The following WASF2 variants were observed in gnomAD, a reference collection of about 807,000 sequenced individuals.
WASF2 encodes the protein actin-binding protein WASF2.
WASF2 carries 14 observed loss-of-function variants against 45.0 expected under a neutral mutation model. That is an observed-to-expected ratio of 0.31 (90% CI 0.21 to 0.49). WASF2 has a LOEUF of 0.49. Among genes scored for constraint, WASF2 ranks in the 20% least tolerant of loss-of-function variants. The pLI, the probability that WASF2 is intolerant of heterozygous loss-of-function variation, is 0.99. For synonymous variants in WASF2, 200 were observed against 236.3 expected (o/e 0.85, Z 1.41); for missense variants, 439 against 636.1 (o/e 0.69, Z 3.33).
intron 3 of WASF2, 24 bp from the exon 4 acceptor site, chr1:27,418,446 G>C (rs1435232705): frequency 6.2e-7 from 1 of 1,614,046 alleles, no homozygotes; most frequent in Non-Finnish European, 8.5e-7. Flanking sequence ...GAAGGCGTTA[G>C]AAAATGGACG....
chr1:27,449,996 T>C (rs958074804), intron 1 of WASF2, among the ~76,000 whole-genome samples: 2 of 152,008 alleles, frequency 1.3e-5, no homozygotes, highest in Non-Finnish European at 2.9e-5. Flanking sequence ...ATACAAAAAT[T>C]AGCTGGGTGT....
At chr1:27,434,619 T>C (rs2017107213) in intron 1 of WASF2, among the ~76,000 whole-genome samples, 1 of 152,156 alleles carries the variant, frequency 6.6e-6, no homozygotes. Context: ...CTGAGGTTAT[T>C]TATACCCAAG....
chr1:27,485,122 G>A (rs2017905945), intron 1 of WASF2, among the ~76,000 whole-genome samples: 1 of 151,912 alleles, frequency 6.6e-6, no homozygotes, highest in African/African-American at 2.4e-5. Context: ...TGTACTCCAG[G>A]CTGGGCAATA....
rs1175801201 is a variant in WASF2 at position 27,406,448 on chromosome 1, A to G, written c.*1741T>C. The G allele has an allele frequency of 6.5e-6, 1 of 152,878 alleles. No homozygotes were observed. The highest frequency in any genetic ancestry group is 1.5e-5 in the Non-Finnish European group (1 of 68,270). The allele number at this position is 152,878 out of a possible 1,614,324, so 9.5% of individuals were successfully genotyped here. A position where few individuals can be genotyped will look rare whatever the true frequency, so the allele number is the denominator to read the frequency against. ...CAAGGGCACAGAGGCAGAACCCATG[A>G]CTATACACTCTCTCCTCAAGCCGGA... On this transcript the variant is annotated 3_prime_UTR_variant, in exon 9 of 9. Coordinates refer to ENST00000618852, the MANE Select transcript of WASF2 (RefSeq NM_006990.5).
In WASF2 at chr1:27,406,800, G is replaced by A. The variant is rs1373057351; in HGVS notation, c.*1389C>T. On this transcript the variant is annotated 3_prime_UTR_variant, in exon 9 of 9. Transcript: ENST00000618852. ...CCCTCTGCCTTTCAGCCTGCTTCAT[G>A]GCTGCCAGGCACCCCCCACCCCCAG... is the stretch of plus-strand genomic sequence containing the variant. 6.6e-6 allele frequency: 1 copy of A among 152,222 alleles called. No homozygotes were observed. Among genetic ancestry groups the A allele is most frequent in the African/African-American group, 2.4e-5 (1 of 41,432 alleles). 9.4% of individuals were successfully genotyped at this position (152,222 alleles called of 1,614,324 possible).
At chr1:27,467,385 C>T (rs2148135144) in intron 1 of WASF2, among the ~76,000 whole-genome samples, 1 of 149,396 alleles carries the variant, frequency 6.7e-6, no homozygotes, top group African/African-American at 2.4e-5. Flanking sequence ...ACTGCAAGCT[C>T]CGCCTCCCGG....
chr1:27,468,283 C>T (rs917803059), intron 1 of WASF2, among the ~76,000 whole-genome samples: 1 of 151,818 alleles, frequency 6.6e-6, no homozygotes, highest in Non-Finnish European at 1.5e-5. Context: ...AAGTCCAGAA[C>T]GGGAGAATTA....
intron 6 of WASF2, among the ~76,000 whole-genome samples, chr1:27,413,069 A>G (rs774321445): frequency 6.6e-6 from 1 of 152,156 alleles, no homozygotes. Flanking sequence ...CTGAATCCCA[A>G]AGTCTGTCCT....
chr1:27,480,373 C>T (rs1453243051), intron 1 of WASF2, among the ~76,000 whole-genome samples: 1 of 151,672 alleles, frequency 6.6e-6, no homozygotes, highest in East Asian at 1.9e-4. Context: ...AAAAATTAGC[C>T]GAGTATGGTG....
chr1:27,477,824 G>C (rs1228460838), intron 1 of WASF2, among the ~76,000 whole-genome samples: 1 of 112,830 alleles, frequency 8.9e-6, no homozygotes, highest in Non-Finnish European at 1.7e-5. Context: ...GCGTGAACCC[G>C]GGAGGCGGAG....
At chr1:27,419,839 C>A (rs1242430742) in intron 2 of WASF2, among the ~76,000 whole-genome samples, 1 of 152,072 alleles carries the variant, frequency 6.6e-6, no homozygotes, top group African/African-American at 2.4e-5. Flanking sequence ...TATCAACAAG[C>A]CATAGCAGAG....
At position 27,404,548 on chromosome 1, in the gene WASF2, T is replaced by A. The variant is rs955179227; in HGVS notation, c.*3641A>T. On this transcript the variant is annotated 3_prime_UTR_variant, in exon 9 of 9. Transcript: ENST00000618852. ...GAAGAGTGCCTGTTTTCAAACGGCA[T>A]CCCTACTACACATATACCCCCCTTC... 12 of 152,246 alleles carry A rather than the reference T, an allele frequency of 7.9e-5. No individual in the cohort carries two copies. In the South Asian group the frequency reaches 1.0e-3, roughly 13 times the overall value. The allele number at this position is 152,246 out of a possible 1,614,324, so 9.4% of individuals were successfully genotyped here.
At chr1:27,487,666 TA>T in intron 1 of WASF2, among the ~76,000 whole-genome samples, 1 of 104,594 alleles carries the variant, frequency 9.6e-6, no homozygotes, top group East Asian at 2.4e-4. Context: ...TAATATATAT[TA>T]TATATATTTT....
intron 1 of WASF2, among the ~76,000 whole-genome samples, chr1:27,438,318 G>GGT (rs1338796447): frequency 6.6e-6 from 1 of 152,194 alleles, no homozygotes; most frequent in African/African-American, 2.4e-5. Context: ...CTTTGGTCAA[G>GGT]GTATTAGAGT....
Position 27,410,314 on chromosome 1 carries a change from T to C in WASF2, c.825-108A>G. The C allele has an allele frequency of 6.7e-7, 1 of 1,491,748 alleles. No homozygotes were observed. Among genetic ancestry groups the C allele is most frequent in the East Asian group, 2.4e-5 (1 of 41,738 alleles). 92.4% of individuals were successfully genotyped at this position (1,491,748 alleles called of 1,614,324 possible). ...GGTTTATCTTGGTTGACTATACCAT[T>C]TCACTTTCACTTAAACAGAAAGAAA... On this transcript the variant is annotated intron_variant, in intron 7 of 8. Transcript: ENST00000618852. This position sits in a 1 kb window ranked among gnomAD's most constrained non-coding sequence, Gnocchi z 4.2.
Position 27,412,658 on chromosome 1 carries a change from A to T in WASF2, c.738T>A (p.Tyr246Ter). 6.2e-7 allele frequency: 1 copy of T among 1,614,244 alleles called. No homozygotes were observed. Among genetic ancestry groups the T allele is most frequent in the Non-Finnish European group, 8.5e-7 (1 of 1,180,046 alleles). The change falls in exon 7 of 9, where the codon TAT (tyrosine) becomes TAA (stop). Residue 246 changes from tyrosine to a stop codon, truncating the protein, a stop_gained. Coordinates refer to ENST00000618852, the MANE Select transcript of WASF2 (RefSeq NM_006990.5). LOFTEE classifies it high-confidence loss of function. ...GCVENVDASS[Y>*]PPPPQSDSAS... ...CAGAGTCTGACTGTGGTGGTGGCGG[A>T]TAGCTACTTGCATCCACGTTTTCAA...
chr1:27,441,513 G>C (rs2017228610), intron 1 of WASF2, among the ~76,000 whole-genome samples: 1 of 151,996 alleles, frequency 6.6e-6, no homozygotes, highest in Admixed American at 6.6e-5. Context: ...CAGCACTTTG[G>C]GAGGCCGAGG....
At position 27,409,977 on chromosome 1, in the gene WASF2, G is replaced by T; in HGVS notation, c.1054C>A (p.Pro352Thr). The change falls in exon 8 of 9, where the codon CCC becomes ACC. Residue 352 changes from proline (P) to threonine (T), a missense_variant. Pro to Thr is a conservative substitution (Grantham distance 38). This residue lies in a region of WASF2 where 286 missense variants were observed against 373.5 expected (regional missense o/e 0.77). Transcript: ENST00000618852. ...GSPGTPPPPS[P>T]PSFPPHPDFA... ...TCAGGGTGAGGTGGGAAAGATGGGG[G>T]TGAGGGTGGTGGAGGCGTCCCTGGA... The T allele has an allele frequency of 6.2e-7, 1 of 1,613,618 alleles. No individual in the cohort carries two copies. Among genetic ancestry groups the T allele is most frequent in the Non-Finnish European group, 8.5e-7 (1 of 1,179,886 alleles).
chr1:27,441,308 A>G (rs770517742), intron 1 of WASF2, among the ~76,000 whole-genome samples: 9 of 146,830 alleles, frequency 6.1e-5, no homozygotes, highest in African/African-American at 1.0e-4. Context: ...GCCTGGGCAA[A>G]ATGACAAGGC....
Sources: gnomAD v4.1 joint callset for allele counts (sites outside exome capture counted in the v4.1 genomes callset) on GRCh38, gnomAD v4.1.1 for gene constraint, gnomAD v4.1.1 regional missense constraint, Gnocchi (gnomAD v3.1) non-coding constraint, MANE v1.5 for transcripts, NCBI Gene and HGNC (gene_info 2026-07-23, HGNC 2026-07-21) for gene names.